The following DDIAS variants were observed in gnomAD, a reference collection of about 807,000 sequenced individuals.
DDIAS encodes the protein DNA damage induced apoptosis suppressor, also known as DNA damage-induced apoptosis suppressor protein.
A neutral mutation model predicts 15.7 loss-of-function variants in DDIAS; 14 were observed. The ratio of observed to expected loss-of-function variants is 0.89; its 90% CI spans 0.59 to 1.39. The LOEUF (loss-of-function observed/expected upper bound fraction) is 1.39. Ranked by LOEUF, DDIAS falls within the 40% of genes most tolerant of loss-of-function variation. The probability of loss-of-function intolerance (pLI) is 0.00; values close to 1 mark genes in which losing one functional copy is unlikely to be tolerated. For synonymous variants in DDIAS, 355 were observed against 395.9 expected (o/e 0.90, Z 1.23); for missense variants, 1,035 against 1,130.9 (o/e 0.92, Z 1.22).
intron 3 of DDIAS, among the ~76,000 whole-genome samples, chr11:82,917,662 A>G (rs1420012780): frequency 2.0e-5 from 3 of 152,220 alleles, no homozygotes; most frequent in African/African-American, 7.2e-5. Flanking sequence ...GTAGATACCC[A>G]GCAGTGGGAT....
chr11:82,933,527 C>T lies in DDIAS; in HGVS notation c.2189C>T (p.Pro730Leu), dbSNP rs1330359687. 1 of 1,614,074 alleles carries T rather than the reference C, an allele frequency of 6.2e-7. No homozygotes were observed. Among genetic ancestry groups the T allele is most frequent in the Admixed American group, 1.7e-5 (1 of 60,026 alleles). The change falls in exon 6 of 6, where the codon CCT becomes CTT. Residue 730 changes from proline (P) to leucine (L), a missense_variant. Physicochemically the swap from Pro to Leu is moderately conservative, Grantham distance 98 (BLOSUM62 -3). Coordinates refer to ENST00000533655, the MANE Select transcript of DDIAS (RefSeq NM_145018.4). ...TCACTTTCTGAAGACTTCATCCAGC[C>T]TTCACAAAAATTATCCTTGCAAAGC... ...LRSLSEDFIQ[P>L]SQKLSLQSLS...
Position 82,931,611 on chromosome 11 carries a change from G to A in DDIAS, c.394-121G>A, listed in dbSNP as rs759243505. ...GAGGCTCAAGTGATCTGCCTGCCTC[G>A]GCCTCTCAAAGTGCTGGGATTACAG... On this transcript the variant is annotated intron_variant, in intron 5 of 5. Transcript: ENST00000533655. 31 of 809,474 alleles carry A rather than the reference G, an allele frequency of 3.8e-5. 1 individual carries two copies. Among genetic ancestry groups the A allele is most frequent in the East Asian group, 8.0e-5 (3 of 37,316 alleles). 50.1% of individuals were successfully genotyped at this position (809,474 alleles called of 1,614,324 possible).
intron 2 of DDIAS, 32 bp from the exon 3 acceptor site, chr11:82,914,691 C>A: frequency 8.9e-7 from 1 of 1,129,042 alleles, no homozygotes; most frequent in Non-Finnish European, 1.3e-6. Context: ...GAAAGATTTG[C>A]CAGTCATCCC....
At chr11:82,910,260 A>G (rs2121319789) in intron 1 of DDIAS, among the ~76,000 whole-genome samples, 1 of 150,824 alleles carries the variant, frequency 6.6e-6, no homozygotes, top group African/African-American at 2.4e-5. Flanking sequence ...CCATTTAAAA[A>G]ATTAGTAAAC....
At chr11:82,905,597 CCT>C (rs1254442465) in intron 1 of DDIAS, among the ~76,000 whole-genome samples, 1 of 152,080 alleles carries the variant, frequency 6.6e-6, no homozygotes, top group Non-Finnish European at 1.5e-5. Flanking sequence ...AATTAGTCCC[CCT>C]GTTATATTTT....
In DDIAS at chr11:82,932,873, A is replaced by C. The variant is rs1266584128; in HGVS notation, c.1535A>C (p.Gln512Pro). The change falls in exon 6 of 6, where the codon CAA becomes CCA. Residue 512 changes from glutamine to proline, a missense_variant. Coordinates refer to ENST00000533655, the MANE Select transcript of DDIAS (RefSeq NM_145018.4). ...AGTCCTAGTGTTGAAAAGGAGTCAC[A>C]ACCAGATAACAAAGTAGAGGCTGTC... is the stretch of plus-strand genomic sequence containing the variant. ...NLSPSVEKES[Q>P]PDNKVEAVSV... The C allele has an allele frequency of 1.9e-6, 3 of 1,613,344 alleles. No homozygotes were observed. The highest frequency in any genetic ancestry group is 2.5e-6 in the Non-Finnish European group (3 of 1,179,832).
At chr11:82,917,641 T>C (rs1397398729) in intron 3 of DDIAS, among the ~76,000 whole-genome samples, 1 of 152,186 alleles carries the variant, frequency 6.6e-6, no homozygotes, top group Admixed American at 6.5e-5. Context: ...TAATGACTTA[T>C]TTTCCTCTGA....
In DDIAS at chr11:82,921,858, C is replaced by T. The variant is rs543939797; in HGVS notation, c.114-6919C>T. On this transcript the variant is annotated intron_variant, in intron 3 of 5. Transcript: ENST00000533655. ...CCTCCCAAAGGGCTAGGATTACAGG[C>T]ATGAGCCACTGCGCCCAGCCTAGCA... Among the ~76,000 whole-genome samples, 3 of 152,232 alleles carry T rather than the reference C, an allele frequency of 2.0e-5. No homozygotes were observed. In the East Asian group the frequency reaches 5.8e-4, roughly 29 times the overall value.
chr11:82,933,763 A>G lies in DDIAS; in HGVS notation c.2425A>G (p.Arg809Gly). Residue 809 changes from arginine (R) to glycine (G), a missense_variant, in exon 6 of 6, where the codon AGG (arginine) becomes GGG (glycine). Arg to Gly is a moderately radical substitution (Grantham distance 125). Coordinates refer to ENST00000533655, the MANE Select transcript of DDIAS (RefSeq NM_145018.4). ...SDLDGNYEKI[R>G]IFPENDKQQA... ...TCTTGATGGTAACTATGAAAAAATAAGGATTTTCCCTGAAAATGACAAACA... is the reference window on the plus strand; with the variant it reads ...TCTTGATGGTAACTATGAAAAAATAGGGATTTTCCCTGAAAATGACAAACA... 1 of 1,610,734 alleles carries G rather than the reference A, an allele frequency of 6.2e-7. No homozygotes were observed. The highest frequency in any genetic ancestry group is 1.1e-5 in the South Asian group (1 of 90,018).
intron 3 of DDIAS, among the ~76,000 whole-genome samples, chr11:82,926,610 G>A (rs1860867763): frequency 6.6e-6 from 1 of 152,144 alleles, no homozygotes; most frequent in Admixed American, 6.5e-5. Flanking sequence ...CTCAAAGTAT[G>A]GCCTAAGGTA....
At chr11:82,919,992 G>A (rs1242293207) in intron 3 of DDIAS, among the ~76,000 whole-genome samples, 2 of 152,126 alleles carry the variant, frequency 1.3e-5, no homozygotes, top group African/African-American at 4.8e-5. Context: ...CAAAGCGCTG[G>A]GATTACAGGC....
At chr11:82,928,175 C>CTTTT (rs1860904184) in intron 3 of DDIAS, among the ~76,000 whole-genome samples, 1 of 60,386 alleles carries the variant, frequency 1.7e-5, no homozygotes, top group East Asian at 4.6e-4. Context: ...ATTTTTTGTC[C>CTTTT]TCTTTTTTTT....
chr11:82,906,148 ATAT>A (rs919715443), intron 1 of DDIAS, among the ~76,000 whole-genome samples: 2 of 152,176 alleles, frequency 1.3e-5, no homozygotes, highest in Non-Finnish European at 2.9e-5. Flanking sequence ...TATGAAGGAA[ATAT>A]TATGAAAACA....
chr11:82,931,928 C>T lies in DDIAS; in HGVS notation c.590C>T (p.Ser197Phe). ...AATTTCAGGAAACTTCAGTGTGACT[C>T]TCAGGCACCTAACAATCACTTACTT... ...TFNFRKLQCDSQAPNNHLLAL... is the reference protein window; with the variant it reads ...TFNFRKLQCDFQAPNNHLLAL... Residue 197 changes from serine (S) to phenylalanine (F), a missense_variant, in exon 6 of 6, where the codon TCT becomes TTT. Coordinates refer to ENST00000533655, the MANE Select transcript of DDIAS (RefSeq NM_145018.4). 6.2e-7 allele frequency: 1 copy of T among 1,614,130 alleles called. No individual in the cohort carries two copies. Among genetic ancestry groups the T allele is most frequent in the Non-Finnish European group, 8.5e-7 (1 of 1,180,002 alleles).
intron 3 of DDIAS, among the ~76,000 whole-genome samples, chr11:82,923,818 A>G (rs1462548449): frequency 1.3e-5 from 2 of 152,234 alleles, no homozygotes; most frequent in East Asian, 3.8e-4. Context: ...ACATCTATAA[A>G]AAAAAATGTG....
At chr11:82,919,771 G>A (rs187609298) in intron 3 of DDIAS, among the ~76,000 whole-genome samples, 72 of 152,074 alleles carry the variant, frequency 4.7e-4, no homozygotes, top group Admixed American at 1.4e-3. Context: ...TCACTCTGTC[G>A]CCCAGGCTGG....
chr11:82,932,940 AC>A lies in DDIAS; in HGVS notation c.1604del (p.Pro535ArgfsTer15), dbSNP rs1861030985. The A allele has an allele frequency of 6.2e-7, 1 of 1,611,874 alleles. No individual in the cohort carries two copies. Among genetic ancestry groups the A allele is most frequent in the Admixed American group, 1.7e-5 (1 of 59,848 alleles). On this transcript the variant is annotated frameshift_variant, in exon 6 of 6. Transcript: ENST00000533655. LOFTEE classifies it low-confidence loss of function (END_TRUNC). ...GAAGAGATATGTCAGAATATTTTTT[AC>A]CGAATCCTTACCTGTCAGCTCTGTC... is the stretch of plus-strand genomic sequence containing the variant. ...NGRDMSEYFL[P>X]NPYLSALSSS...
intron 3 of DDIAS, among the ~76,000 whole-genome samples, chr11:82,925,612 A>T (rs2121353233): frequency 6.6e-6 from 1 of 152,100 alleles, no homozygotes; most frequent in South Asian, 2.1e-4. Context: ...CAAACCAAAA[A>T]AGAAATATAG....
At chr11:82,903,517 A>C (rs1860367151) in intron 1 of DDIAS, among the ~76,000 whole-genome samples, 1 of 152,230 alleles carries the variant, frequency 6.6e-6, no homozygotes, top group African/African-American at 2.4e-5. Flanking sequence ...TTCCTGGTTC[A>C]TGTTTTTAAA....
Sources: allele counts gnomAD v4.1 joint callset (sites outside exome capture counted in the v4.1 genomes callset), GRCh38; gene constraint gnomAD v4.1.1; transcripts MANE v1.5; gene names NCBI Gene and HGNC (gene_info 2026-07-23, HGNC 2026-07-21).